Variants in SV2C observed in about 807,000 individuals in gnomAD.
The protein encoded by SV2C is solute carrier family 22 member B3.
Under a neutral mutation model 79.7 loss-of-function variants are expected in SV2C, and 49 were observed. That is an observed-to-expected ratio of 0.61 (90% confidence interval 0.49 to 0.78). The LOEUF (loss-of-function observed/expected upper bound fraction) is 0.78. Among genes scored for constraint, SV2C ranks in the 30% least tolerant of loss-of-function variants. SV2C has a pLI of 0.00. For missense variants in SV2C, 833 were observed against 912.9 expected (o/e 0.91, Z 1.13); for synonymous variants, 334 against 333.2 (o/e 1.00, Z -0.03).
chr5:76,347,150 G>A (rs1271477611), intron 12 of SV2C, among the ~76,000 whole-genome samples: 1 of 152,192 alleles, frequency 6.6e-6, no homozygotes. Context: ...TTGACGGCAC[G>A]CTCAGCATAT....
chr5:75,947,902 A>T, the SV2C span, among the ~76,000 whole-genome samples: 8,206 of 150,472 alleles, frequency 0.055, 515 homozygotes, highest in African/African-American at 0.15. Flanking sequence ...ATTTTTTTTT[A>T]AAATCAAGAG....
chr5:75,875,040 T>C, the SV2C span, among the ~76,000 whole-genome samples: 2 of 151,218 alleles, frequency 1.3e-5, no homozygotes, highest in East Asian at 3.9e-4. Context: ...ATTCTTCAAA[T>C]AACAAACCAA....
intron 1 of SV2C, among the ~76,000 whole-genome samples, chr5:76,090,835 T>G (rs1222504508): frequency 6.6e-6 from 1 of 152,190 alleles, no homozygotes; most frequent in African/African-American, 2.4e-5. Context: ...CTGAGATGTT[T>G]TATTCTTTGC....
chr5:76,092,581 C>T (rs1747413080), intron 1 of SV2C, among the ~76,000 whole-genome samples: 1 of 152,130 alleles, frequency 6.6e-6, no homozygotes, highest in Admixed American at 6.5e-5. Context: ...ATTCCTCCAC[C>T]CCCATCCTCA....
intron 9 of SV2C, among the ~76,000 whole-genome samples, chr5:76,297,390 A>T (rs1747811970): frequency 6.6e-6 from 1 of 152,198 alleles, no homozygotes; most frequent in South Asian, 2.1e-4. Flanking sequence ...AACAATGGTT[A>T]TTCTGGGCAG....
At chr5:75,991,156 T>C in the SV2C span, among the ~76,000 whole-genome samples, 1 of 151,998 alleles carries the variant, frequency 6.6e-6, no homozygotes, top group Non-Finnish European at 1.5e-5. Flanking sequence ...TTTAACAGTA[T>C]GTTGTTTAAA....
At chr5:76,200,044 A>G (rs1030882783) in intron 3 of SV2C, among the ~76,000 whole-genome samples, 2 of 152,258 alleles carry the variant, frequency 1.3e-5, no homozygotes, top group African/African-American at 2.4e-5. Context: ...GCTTGTGGAC[A>G]CTGGCTCTAA....
the SV2C span, among the ~76,000 whole-genome samples, chr5:75,970,941 C>A: frequency 2.0e-5 from 3 of 152,168 alleles, no homozygotes; most frequent in African/African-American, 7.2e-5. Flanking sequence ...TACTGGCAAA[C>A]CGAATCCAGC....
the SV2C span, among the ~76,000 whole-genome samples, chr5:75,996,299 A>G: frequency 6.6e-6 from 1 of 152,138 alleles, no homozygotes; most frequent in Non-Finnish European, 1.5e-5. Context: ...AGTTGTAGAT[A>G]TGCAGCATTA....
chr5:75,963,622 T>C, the SV2C span, among the ~76,000 whole-genome samples: 1 of 152,118 alleles, frequency 6.6e-6, no homozygotes, highest in Non-Finnish European at 1.5e-5. Flanking sequence ...CATTTTACCA[T>C]GGTGTGCTTA....
chr5:75,849,179 G>T, the SV2C span, among the ~76,000 whole-genome samples: 1 of 152,218 alleles, frequency 6.6e-6, no homozygotes, highest in African/African-American at 2.4e-5. Flanking sequence ...GAGTGAGTAA[G>T]TTGGGGTGGA....
At chr5:76,317,056 T>C in intron 12 of SV2C, among the ~76,000 whole-genome samples, 1 of 152,164 alleles carries the variant, frequency 6.6e-6, no homozygotes, top group East Asian at 1.9e-4. Context: ...ACGCATAGAA[T>C]ATGTAAATTA....
chr5:76,230,170 G>A (rs1175844615), intron 4 of SV2C, among the ~76,000 whole-genome samples: 3 of 152,284 alleles, frequency 2.0e-5, no homozygotes, highest in East Asian at 1.9e-4. Flanking sequence ...GGACTATATC[G>A]TGTTGTCATT....
intron 12 of SV2C, among the ~76,000 whole-genome samples, chr5:76,312,246 G>T (rs1363827245): frequency 2.6e-5 from 4 of 151,458 alleles, no homozygotes; most frequent in African/African-American, 9.7e-5. Flanking sequence ...TATGGCTCAG[G>T]GGCCACTTTT....
At chr5:76,256,859 A>C (rs1346694825) in intron 4 of SV2C, among the ~76,000 whole-genome samples, 2 of 152,262 alleles carry the variant, frequency 1.3e-5, no homozygotes, top group Non-Finnish European at 2.9e-5. Flanking sequence ...AGGCCAAAAA[A>C]CTTGTTAAAC....
rs1217469925 is a variant in SV2C at position 76,264,762 on chromosome 5, G to C, written c.914-20400G>C. On this transcript the variant is annotated intron_variant, in intron 4 of 12. Coordinates refer to ENST00000502798, the MANE Select transcript of SV2C (RefSeq NM_014979.4). ...CCTATTTGCCTGGGTATTACCAGCAGAGGCTACAGAACAGTAAAGATTCCT... is the reference window on the plus strand; with the variant it reads ...CCTATTTGCCTGGGTATTACCAGCACAGGCTACAGAACAGTAAAGATTCCT... Among the ~76,000 whole-genome samples the C allele has an allele frequency of 2.0e-5, 3 of 152,216 alleles. No homozygotes were observed. The East Asian group carries it at 5.8e-4, about 29-fold the overall frequency.
chr5:75,906,829 C>T, the SV2C span, among the ~76,000 whole-genome samples: 8 of 152,204 alleles, frequency 5.3e-5, no homozygotes, highest in East Asian at 1.4e-3. Flanking sequence ...TGCACCCCAC[C>T]CCCATGGAAA....
chr5:76,321,548 T>G lies in SV2C; in HGVS notation c.2001-3816T>G, dbSNP rs553228066. ...TGAGTCCAGGAGTTTGAGACCATCC[T>G]GGGCAATATGATGAAACCCCATCTC... On this transcript the variant is annotated intron_variant, in intron 12 of 12. Coordinates refer to ENST00000502798, the MANE Select transcript of SV2C (RefSeq NM_014979.4). 3.3e-5 allele frequency among the ~76,000 whole-genome samples: 5 copies of G among 152,190 alleles called. No homozygotes were observed. In the South Asian group the frequency reaches 6.2e-4, roughly 19 times the overall value.
the SV2C span, among the ~76,000 whole-genome samples, chr5:75,985,617 G>A: frequency 6.6e-6 from 1 of 151,954 alleles, no homozygotes; most frequent in African/African-American, 2.4e-5. Context: ...GCTCTAGATG[G>A]AAGTTAGACT....
Sources: allele counts gnomAD v4.1 joint callset (sites outside exome capture counted in the v4.1 genomes callset), GRCh38; gene constraint gnomAD v4.1.1; transcripts MANE v1.5; gene names NCBI Gene and HGNC (gene_info 2026-07-23, HGNC 2026-07-21).